The following WDR7 variants were observed in gnomAD, a reference collection of about 807,000 sequenced individuals.
The protein encoded by WDR7 is WD repeat-containing protein 7.
A neutral mutation model predicts 169.4 loss-of-function variants in WDR7; 46 were observed. The observed-to-expected ratio is 0.27, with a 90% CI of 0.21 to 0.35. The LOEUF is 0.35. Ranked by LOEUF, WDR7 falls within the 10% of genes least tolerant of loss-of-function variation. WDR7 has a pLI of 1.00. For synonymous variants in WDR7, 612 were observed against 666.8 expected, an observed-to-expected ratio of 0.92 and a Z score of 1.27; for missense variants, 1,534 against 1,859.3, an observed-to-expected ratio of 0.83 and a Z score of 3.22.
chr18:56,946,659 C>G (rs1197608446), intron 25 of WDR7, among the ~76,000 whole-genome samples: 7 of 151,672 alleles, frequency 4.6e-5, no homozygotes, highest in Non-Finnish European at 1.0e-4. Flanking sequence ...TCCCTAAGTC[C>G]TTTATGTTAT....
chr18:56,759,004 C>CT (rs765053424), intron 16 of WDR7, 51 bp downstream of exon 16: 1 of 1,452,420 alleles, frequency 6.9e-7, no homozygotes, highest in East Asian at 2.3e-5. Flanking sequence ...GCTCTAGAAA[C>CT]TGAGGAGGCA....
At chr18:56,972,430 G>A (rs1210044783) in intron 26 of WDR7, among the ~76,000 whole-genome samples, 14 of 152,184 alleles carry the variant, frequency 9.2e-5, no homozygotes, top group Admixed American at 9.2e-4. Flanking sequence ...CACTTATGTG[G>A]TGATTGCAAA....
In WDR7 at chr18:56,833,060, T is replaced by C. The variant is rs567325005; in HGVS notation, c.3304+16916T>C. On this transcript the variant is annotated intron_variant, in intron 20 of 27. Coordinates refer to ENST00000254442, the MANE Select transcript of WDR7 (RefSeq NM_015285.3). ...TCCTTGAACCTAAAGGAGCGTGTTCTAACCCAATACAAGGAAGCTAAGAAC... is the reference window on the plus strand; with the variant it reads ...TCCTTGAACCTAAAGGAGCGTGTTCCAACCCAATACAAGGAAGCTAAGAAC... Among the ~76,000 whole-genome samples, 19 of 151,128 alleles carry C rather than the reference T, an allele frequency of 1.3e-4. No individual in the cohort carries two copies. In the South Asian group the frequency reaches 3.9e-3, roughly 31 times the overall value.
chr18:56,949,613 A>G (rs2047153272), intron 25 of WDR7, among the ~76,000 whole-genome samples: 1 of 152,182 alleles, frequency 6.6e-6, no homozygotes, highest in Non-Finnish European at 1.5e-5. Flanking sequence ...GTAATTTTGT[A>G]TCTTCTTGGG....
intron 12 of WDR7, among the ~76,000 whole-genome samples, chr18:56,706,848 C>T (rs1458271268): frequency 1.3e-4 from 20 of 151,810 alleles, no homozygotes; most frequent in African/African-American, 4.8e-4. Context: ...CCACCACACC[C>T]AGCTAATTTT....
chr18:57,002,979 T>G (rs553799914), intron 26 of WDR7, among the ~76,000 whole-genome samples: 107 of 152,312 alleles, frequency 7.0e-4, no homozygotes, highest in Non-Finnish European at 1.1e-3. Context: ...TAATAATCAG[T>G]GCAAAGATGC....
rs79348777 is a variant in WDR7 at position 57,019,125 on chromosome 18, T to C, written c.4165-1620T>C. Among the ~76,000 whole-genome samples, 1,257 of 152,272 alleles carry C rather than the reference T, an allele frequency of 8.3e-3. 16 individuals carry two copies. The highest frequency in any genetic ancestry group is 0.029 in the African/African-American group (1,195 of 41,552). On this transcript the variant is annotated intron_variant, in intron 26 of 27. Transcript: ENST00000254442. ...GCTACGTGATGGTGATTCTGAGATATGTGATTAAGGCAGAGTTTTGGAGAA... is the reference window on the plus strand; with the variant it reads ...GCTACGTGATGGTGATTCTGAGATACGTGATTAAGGCAGAGTTTTGGAGAA...
At chr18:56,677,679 G>T (rs2025272313) in intron 2 of WDR7, among the ~76,000 whole-genome samples, 1 of 151,966 alleles carries the variant, frequency 6.6e-6, no homozygotes, top group South Asian at 2.1e-4. Flanking sequence ...TTCTTTTTTG[G>T]CTTTTAGGAT....
chr18:57,005,096 G>T (rs2048036934), intron 26 of WDR7, among the ~76,000 whole-genome samples: 1 of 152,108 alleles, frequency 6.6e-6, no homozygotes, highest in Non-Finnish European at 1.5e-5. Context: ...ATAATACCGT[G>T]TCAGGCATCT....
intron 20 of WDR7, among the ~76,000 whole-genome samples, chr18:56,823,635 A>G (rs1292092479): frequency 6.6e-6 from 1 of 152,070 alleles, no homozygotes; most frequent in Non-Finnish European, 1.5e-5. Flanking sequence ...CCTAAACCTC[A>G]CCTTCTTTCA....
intron 20 of WDR7, among the ~76,000 whole-genome samples, chr18:56,842,975 G>A (rs2045509319): frequency 6.6e-6 from 1 of 151,414 alleles, no homozygotes. Context: ...TTTTTTTTTG[G>A]CATTTGATGT....
In WDR7 at chr18:56,680,614, T is replaced by A. The variant is rs530479982; in HGVS notation, c.267-699T>A. On this transcript the variant is annotated intron_variant, in intron 3 of 27. Transcript: ENST00000254442. The stretch of plus-strand genomic sequence containing the variant: ...GATCATTGCATTTTATTAATTTTTT[T>A]TGTTAAATGTATTTCTTCAATAGAC... Among the ~76,000 whole-genome samples, 50 of 152,322 alleles carry A rather than the reference T, an allele frequency of 3.3e-4. 1 individual carries two copies. Among genetic ancestry groups the A allele is most frequent in the Admixed American group, 3.1e-3 (47 of 15,302 alleles).
chr18:56,993,870 A>G (rs1157335585), intron 26 of WDR7, among the ~76,000 whole-genome samples: 1 of 152,218 alleles, frequency 6.6e-6, no homozygotes, highest in African/African-American at 2.4e-5. Flanking sequence ...AATTGTTGCC[A>G]GTCAATTGTA....
At chr18:56,709,883 T>G (rs1483280305) in intron 12 of WDR7, among the ~76,000 whole-genome samples, 1 of 151,994 alleles carries the variant, frequency 6.6e-6, no homozygotes, top group Non-Finnish European at 1.5e-5. Context: ...TAGTTTTCAT[T>G]CCACCTTGAT....
At chr18:56,655,012 T>C (rs1365479864) in intron 1 of WDR7, among the ~76,000 whole-genome samples, 1 of 152,236 alleles carries the variant, frequency 6.6e-6, no homozygotes, top group African/African-American at 2.4e-5. Context: ...GCTCTAACAC[T>C]ATACTGTTTT....
At chr18:56,795,978 A>G (rs550132029) in intron 19 of WDR7, among the ~76,000 whole-genome samples, 2 of 152,348 alleles carry the variant, frequency 1.3e-5, no homozygotes, top group Non-Finnish European at 2.9e-5. Context: ...GAATACAACA[A>G]TGATTTTATT....
intron 14 of WDR7, among the ~76,000 whole-genome samples, chr18:56,748,493 T>G (rs2043738160): frequency 6.6e-6 from 1 of 152,176 alleles, no homozygotes; most frequent in South Asian, 2.1e-4. Context: ...AAAGATATTT[T>G]CTTTATCAAA....
intron 26 of WDR7, among the ~76,000 whole-genome samples, chr18:56,994,276 A>G (rs147975606): frequency 0.038 from 5,721 of 152,146 alleles, 131 homozygotes; most frequent in Non-Finnish European, 0.053. Flanking sequence ...TGCCTGCCTC[A>G]GCCTCCCAAA....
intron 20 of WDR7, among the ~76,000 whole-genome samples, chr18:56,820,811 G>A (rs1465192712): frequency 6.6e-5 from 10 of 151,816 alleles, no homozygotes; most frequent in Non-Finnish European, 1.5e-5. Flanking sequence ...AATTTTTTTT[G>A]TAGGTATGAT....
Sources: allele counts gnomAD v4.1 joint callset (sites outside exome capture counted in the v4.1 genomes callset), GRCh38; gene constraint gnomAD v4.1.1; transcripts MANE v1.5; gene names NCBI Gene and HGNC (gene_info 2026-07-23, HGNC 2026-07-21).